The following BCL7B variants were observed in gnomAD, a reference collection of about 807,000 sequenced individuals.
BCL7B encodes BAF chromatin remodeling complex subunit BCL7B.
In BCL7B, 11 loss-of-function variants were observed where a neutral mutation model predicts 26.5. The ratio of observed to expected loss-of-function variants is 0.42; its 90% CI spans 0.26 to 0.69. BCL7B has a LOEUF of 0.69. BCL7B is among the 30% of genes least tolerant of loss of function. The probability of loss-of-function intolerance (pLI) is 0.28; values close to 1 mark genes in which losing one functional copy is unlikely to be tolerated. For synonymous variants in BCL7B, 111 were observed against 107.9 expected (o/e 1.03, Z -0.18); for missense variants, 215 against 264.4 (o/e 0.81, Z 1.30).
chr7:73,557,143 G>A, intron 1 of BCL7B: 1 of 1,006,138 alleles, frequency 9.9e-7, no homozygotes, highest in Non-Finnish European at 1.2e-6. Context: ...CGCAGGCGGG[G>A]CCACTGCCCA....
At chr7:73,548,233 T>C (rs1199167684) in intron 2 of BCL7B, among the ~76,000 whole-genome samples, 1 of 151,366 alleles carries the variant, frequency 6.6e-6, no homozygotes, top group Non-Finnish European at 1.5e-5. Flanking sequence ...ATCAAGACCA[T>C]CCTGGCCAAC....
intron 1 of BCL7B, among the ~76,000 whole-genome samples, chr7:73,556,601 T>C (rs1030794745): frequency 1.3e-5 from 2 of 152,158 alleles, no homozygotes; most frequent in Admixed American, 6.5e-5. Flanking sequence ...TTCCGGATAC[T>C]AAACAGGGGC....
chr7:73,550,834 C>G (rs1032502852), intron 2 of BCL7B, among the ~76,000 whole-genome samples: 1 of 151,410 alleles, frequency 6.6e-6, no homozygotes, highest in African/African-American at 2.4e-5. Context: ...ATTTTTTGTA[C>G]TTTTAGTAGA....
intron 2 of BCL7B, among the ~76,000 whole-genome samples, chr7:73,551,336 G>T (rs1246369927): frequency 1.3e-5 from 2 of 152,154 alleles, no homozygotes; most frequent in African/African-American, 4.8e-5. Flanking sequence ...GTGTCACACT[G>T]TTGCCCAGGC....
intron 2 of BCL7B, chr7:73,543,847 C>A: frequency 1.9e-6 from 1 of 521,814 alleles, no homozygotes; most frequent in Non-Finnish European, 3.5e-6. Context: ...ATGAACCCTT[C>A]CAGCAGGAAT....
chr7:73,540,862 C>G (rs1300053238), intron 3 of BCL7B, among the ~76,000 whole-genome samples: 1 of 115,576 alleles, frequency 8.7e-6, no homozygotes, highest in Non-Finnish European at 1.7e-5. Context: ...AAAAGAGTTA[C>G]CAGGCCGAGT....
intron 1 of BCL7B, among the ~76,000 whole-genome samples, chr7:73,556,786 T>C (rs764204125): frequency 2.0e-4 from 31 of 152,294 alleles, no homozygotes; most frequent in Middle Eastern, 3.4e-3. Flanking sequence ...CTCTGCTACT[T>C]GGAAGTGAGA....
chr7:73,543,538 T>C lies in BCL7B; in HGVS notation c.265+10A>G, dbSNP rs782167667. 9 of 1,610,030 alleles carry C rather than the reference T, an allele frequency of 5.6e-6. No individual in the cohort carries two copies. Among genetic ancestry groups the C allele is most frequent in the Middle Eastern group, 1.7e-4 (1 of 6,056 alleles). On this transcript the variant is annotated intron_variant, in intron 3 of 5. Coordinates refer to ENST00000223368, the MANE Select transcript of BCL7B (RefSeq NM_001707.4). ...TTCTCCTGCAAGGAAGACACAGAGATGCAACTCACCCTGGAATTCAAGAAG... is the reference window on the plus strand; with the variant it reads ...TTCTCCTGCAAGGAAGACACAGAGACGCAACTCACCCTGGAATTCAAGAAG...
intron 2 of BCL7B, among the ~76,000 whole-genome samples, chr7:73,548,361 G>A (rs1227801544): frequency 6.6e-6 from 1 of 152,094 alleles, no homozygotes; most frequent in Non-Finnish European, 1.5e-5. Context: ...CCGGGAGGCA[G>A]AGGTTGCAGT....
chr7:73,550,578 A>G (rs191991393), intron 2 of BCL7B, among the ~76,000 whole-genome samples: 1 of 152,214 alleles, frequency 6.6e-6, no homozygotes, highest in Non-Finnish European at 1.5e-5. Flanking sequence ...CCAAATTAAA[A>G]AACCAAAGTT....
intron 5 of BCL7B, 105 bp from the exon 6 acceptor site, chr7:73,537,495 T>C: frequency 6.2e-6 from 5 of 809,322 alleles, no homozygotes; most frequent in East Asian, 2.6e-5. Flanking sequence ...TTCCAGCAGA[T>C]GATCAAACAT....
chr7:73,540,749 G>A (rs1554582762), intron 3 of BCL7B, among the ~76,000 whole-genome samples: 2 of 131,402 alleles, frequency 1.5e-5, no homozygotes, highest in African/African-American at 5.7e-5. Flanking sequence ...AGAATGGCAT[G>A]AACCTAGAAG....
intron 1 of BCL7B, among the ~76,000 whole-genome samples, chr7:73,553,243 G>A (rs1003977350): frequency 5.3e-5 from 8 of 151,924 alleles, no homozygotes; most frequent in African/African-American, 1.9e-4. Context: ...ACCACACCTG[G>A]CCTCCTGTGT....
intron 1 of BCL7B, 63 bp from the exon 2 acceptor site, chr7:73,552,305 G>T: frequency 1.5e-6 from 2 of 1,355,266 alleles, no homozygotes; most frequent in South Asian, 1.2e-5. Context: ...TTCATCACTT[G>T]TGTTTTTCTA....
rs1190336990 is a variant in BCL7B, at chr7:73,543,639, T to C, written c.174A>G (p.Glu58=). The change falls in exon 3 of 6, where the codon GAA becomes GAG. Residue 58 remains glutamate, a synonymous_variant. Transcript: ENST00000223368. ...WVPVTDSKEK[E]KSKSNSSAAR... ...CTGCTGAACTGTTCGATTTTGACTT[T>C]TCTTTCTAGAAAAGGAAAAAAAGAG... 2.5e-6 allele frequency: 4 copies of C among 1,613,064 alleles called. No homozygotes were observed. In the African/African-American group the frequency reaches 5.3e-5, roughly 22 times the overall value.
chr7:73,545,504 G>C (rs1294068020), intron 2 of BCL7B, among the ~76,000 whole-genome samples: 1 of 152,144 alleles, frequency 6.6e-6, no homozygotes, highest in African/African-American at 2.4e-5. Context: ...TTACAGGCGT[G>C]AGCCATCGCA....
In BCL7B at chr7:73,537,488, C is replaced by A. The variant is rs1347874849; in HGVS notation, c.517-98G>T. ...AATGGGATGTCCACTCTGCTCCTTC[C>A]AGCAGATGATCAAACATCCTCCCCT... On this transcript the variant is annotated intron_variant, in intron 5 of 5. Transcript: ENST00000223368. 4 of 882,342 alleles carry A rather than the reference C, an allele frequency of 4.5e-6. No individual in the cohort carries two copies. In the African/African-American group the frequency reaches 4.9e-5, roughly 11 times the overall value. The allele number at this position is 882,342 out of a possible 1,614,324, so 54.7% of individuals were successfully genotyped here.
intron 2 of BCL7B, among the ~76,000 whole-genome samples, chr7:73,547,357 G>T (rs1554583576): frequency 6.6e-6 from 1 of 152,142 alleles, no homozygotes; most frequent in African/African-American, 2.4e-5. Flanking sequence ...CCGTTACTTG[G>T]GAGGTGGAGA....
At chr7:73,546,890 C>T (rs782769215) in intron 2 of BCL7B, among the ~76,000 whole-genome samples, 7 of 152,068 alleles carry the variant, frequency 4.6e-5, no homozygotes, top group Admixed American at 2.0e-4. Context: ...GTTGGCCAGG[C>T]GTGGTGGCTC....
Sources: gnomAD v4.1 joint callset for allele counts (sites outside exome capture counted in the v4.1 genomes callset) on GRCh38, gnomAD v4.1.1 for gene constraint, MANE v1.5 for transcripts, NCBI Gene and HGNC (gene_info 2026-07-23, HGNC 2026-07-21) for gene names.